The following STPG2 variants were observed in gnomAD, a reference collection of about 807,000 sequenced individuals.
STPG2 encodes sperm-tail PG-rich repeat-containing protein 2.
STPG2 carries 56 observed loss-of-function variants against 54.2 expected under a neutral mutation model. The ratio of observed to expected loss-of-function variants is 1.03; its 90% CI spans 0.83 to 1.29. The LOEUF is 1.29. STPG2 is among the 50% of genes most tolerant of loss of function. The pLI is 0.00. For missense variants in STPG2, 596 were observed against 544.9 expected (o/e 1.09, Z -0.93); for synonymous variants, 200 against 181.8 (o/e 1.10, Z -0.81).
At chr4:97,540,824 T>C (rs1252785515) in intron 4 of STPG2, among the ~76,000 whole-genome samples, 1 of 151,880 alleles carries the variant, frequency 6.6e-6, no homozygotes, top group African/African-American at 2.4e-5. Flanking sequence ...CATACGCAAA[T>C]CAACAAACAT....
chr4:97,575,969 A>G (rs539474132), intron 10 of STPG2, among the ~76,000 whole-genome samples: 78 of 152,250 alleles, frequency 5.1e-4, no homozygotes, highest in African/African-American at 1.5e-3. Context: ...TATAGCAACA[A>G]TGTTTAAGCT....
chr4:97,737,764 G>A (rs1197621570), intron 9 of STPG2, among the ~76,000 whole-genome samples: 1 of 152,220 alleles, frequency 6.6e-6, no homozygotes, highest in African/African-American at 2.4e-5. Context: ...CGGGGAGAAT[G>A]GAACCAAGCT....
At chr4:97,735,836 A>G (rs1724969501) in intron 9 of STPG2, among the ~76,000 whole-genome samples, 2 of 152,114 alleles carry the variant, frequency 1.3e-5, no homozygotes, top group African/African-American at 4.8e-5. Flanking sequence ...GAACACATAC[A>G]ACTCAATAGC....
At chr4:97,575,899 T>A (rs1017418485) in intron 10 of STPG2, among the ~76,000 whole-genome samples, 4 of 152,148 alleles carry the variant, frequency 2.6e-5, no homozygotes, top group African/African-American at 9.7e-5. Flanking sequence ...CTAGAACTGA[T>A]GAATAACTTC....
chr4:97,975,191 C>T (rs1211422938), intron 6 of STPG2, among the ~76,000 whole-genome samples: 4 of 152,068 alleles, frequency 2.6e-5, no homozygotes, highest in African/African-American at 9.7e-5. Flanking sequence ...TTAAAGTGCT[C>T]CAAAACATTA....
intron 8 of STPG2, among the ~76,000 whole-genome samples, chr4:97,928,925 T>G (rs1278392797): frequency 3.3e-5 from 5 of 152,176 alleles, no homozygotes; most frequent in South Asian, 2.1e-4. Flanking sequence ...TGTGAAGGTT[T>G]GTTACATAGG....
chr4:97,653,479 C>G (rs1722133055), intron 10 of STPG2, among the ~76,000 whole-genome samples: 1 of 151,324 alleles, frequency 6.6e-6, no homozygotes, highest in Non-Finnish European at 1.5e-5. Flanking sequence ...CAATAAAGTG[C>G]TAAAAGGCAT....
intron 5 of STPG2, among the ~76,000 whole-genome samples, chr4:98,065,520 A>C (rs1737807628): frequency 6.6e-6 from 1 of 152,244 alleles, no homozygotes; most frequent in South Asian, 2.1e-4. Flanking sequence ...ACTGATCCTA[A>C]TGTATATTAG....
chr4:97,822,861 T>G (rs72686416), intron 9 of STPG2, among the ~76,000 whole-genome samples: 2,029 of 152,308 alleles, frequency 0.013, 18 homozygotes, highest in Non-Finnish European at 0.02. Context: ...AACTGGGTAT[T>G]ACATCTCTGG....
intron 9 of STPG2, among the ~76,000 whole-genome samples, chr4:97,814,169 T>C (rs934707872): frequency 3.3e-5 from 5 of 152,198 alleles, no homozygotes; most frequent in African/African-American, 4.8e-5. Context: ...ATTGTTGAGA[T>C]ATATTTTATT....
At chr4:97,808,232 G>A (rs1387679637) in intron 9 of STPG2, among the ~76,000 whole-genome samples, 1 of 151,908 alleles carries the variant, frequency 6.6e-6, no homozygotes, top group African/African-American at 2.4e-5. Flanking sequence ...AAATCTATAT[G>A]ACAATTGACT....
In STPG2 at chr4:97,909,042, T is replaced by TAAG. The variant is rs1168399062; in HGVS notation, c.1044+34852_1044+34854dup. Among the ~76,000 whole-genome samples the TAAG allele has an allele frequency of 4.1e-5, 6 of 147,304 alleles. No homozygotes were observed. The South Asian group carries it at 8.6e-4, about 21-fold the overall frequency. ...ATAATAATAATAATAATAATAATAA[T>TAAG]AAGTTGTGGCAGCTGCTATAATAAA... is the stretch of plus-strand genomic sequence containing the variant. On this transcript the variant is annotated intron_variant, in intron 8 of 10. Coordinates refer to ENST00000295268, the MANE Select transcript of STPG2 (RefSeq NM_174952.3).
At chr4:97,608,551 C>A (rs899239790) in intron 10 of STPG2, among the ~76,000 whole-genome samples, 1 of 151,944 alleles carries the variant, frequency 6.6e-6, no homozygotes, top group Non-Finnish European at 1.5e-5. Flanking sequence ...TTTTAAAGTG[C>A]CTAAAATGTT....
intron 10 of STPG2, among the ~76,000 whole-genome samples, chr4:97,647,585 CTCTA>C (rs1296305958): frequency 6.6e-6 from 1 of 152,088 alleles, no homozygotes; most frequent in East Asian, 1.9e-4. Flanking sequence ...TTGCTCCATT[CTCTA>C]TCTGTCTATC....
At chr4:98,125,837 C>T (rs946548230) in intron 3 of STPG2, among the ~76,000 whole-genome samples, 6 of 152,208 alleles carry the variant, frequency 3.9e-5, no homozygotes, top group African/African-American at 1.4e-4. Flanking sequence ...CCAGGGAGAT[C>T]AGAGTCCTGT....
chr4:97,970,160 A>G (rs1734272312), intron 7 of STPG2, among the ~76,000 whole-genome samples: 1 of 152,154 alleles, frequency 6.6e-6, no homozygotes, highest in Non-Finnish European at 1.5e-5. Flanking sequence ...AATAAAAGAG[A>G]ACACAAATGA....
chr4:97,655,775 A>G (rs1722204014), intron 10 of STPG2, among the ~76,000 whole-genome samples: 1 of 152,146 alleles, frequency 6.6e-6, no homozygotes, highest in Non-Finnish European at 1.5e-5. Context: ...TTTGGGAATT[A>G]TACAATTCTT....
At chr4:98,073,425 T>C (rs572145105) in intron 5 of STPG2, among the ~76,000 whole-genome samples, 142 of 125,992 alleles carry the variant, frequency 1.1e-3, no homozygotes, top group African/African-American at 4.1e-3. Context: ...ATTTTGATGA[T>C]AGAAAAAATA....
chr4:97,938,274 G>A (rs765396604), intron 8 of STPG2, among the ~76,000 whole-genome samples: 4 of 152,212 alleles, frequency 2.6e-5, no homozygotes, highest in Non-Finnish European at 5.9e-5. Context: ...GAGCTATAGC[G>A]ATGGCTGCTG....
Sources: allele counts gnomAD v4.1 joint callset (sites outside exome capture counted in the v4.1 genomes callset), GRCh38; gene constraint gnomAD v4.1.1; transcripts MANE v1.5; gene names NCBI Gene and HGNC (gene_info 2026-07-23, HGNC 2026-07-21).